Variants in AAMDC observed in about 807,000 individuals in gnomAD.
AAMDC encodes mth938 domain-containing protein.
In AAMDC, 16 loss-of-function variants were observed where a neutral mutation model predicts 15.5. That is an observed-to-expected ratio of 1.03 (90% CI 0.70 to 1.57). AAMDC has a LOEUF of 1.57. Among genes scored for constraint, AAMDC ranks in the 40% most tolerant of loss-of-function variants. The probability of loss-of-function intolerance (pLI) is 0.00; values close to 1 mark genes in which losing one functional copy is unlikely to be tolerated. For missense variants in AAMDC, 141 were observed against 144.9 expected (o/e 0.97, Z 0.14); for synonymous variants, 51 against 51.6 (o/e 0.99, Z 0.05).
chr11:77,904,098 C>A (rs537748778), downstream of AAMDC, among the ~76,000 whole-genome samples: 1 of 152,304 alleles, frequency 6.6e-6, no homozygotes, highest in South Asian at 2.1e-4. Flanking sequence ...TCCTAGATTT[C>A]TCCCTCTTTC....
At chr11:77,826,397 T>C (rs1222678658) in intron 1 of AAMDC, among the ~76,000 whole-genome samples, 1 of 152,058 alleles carries the variant, frequency 6.6e-6, no homozygotes, top group Non-Finnish European at 1.5e-5. Flanking sequence ...TGTATTATTA[T>C]GTTTTATGTC....
chr11:77,861,331 A>C (rs1950867317), intron 2 of AAMDC, among the ~76,000 whole-genome samples: 1 of 152,192 alleles, frequency 6.6e-6, no homozygotes, highest in South Asian at 2.1e-4. Flanking sequence ...CTGAGAGAGA[A>C]GTATGTAGTG....
intron 5 of AAMDC, among the ~76,000 whole-genome samples, chr11:77,898,165 AATT>A (rs1372825276): frequency 6.6e-6 from 1 of 151,982 alleles, no homozygotes; most frequent in South Asian, 2.1e-4. Flanking sequence ...AACTGGCCTA[AATT>A]ATTATTATTA....
In AAMDC at chr11:77,827,701, G is replaced by A. The variant is rs1426519783; in HGVS notation, c.-19+6460G>A. Among the ~76,000 whole-genome samples the A allele has an allele frequency of 2.0e-5, 3 of 152,080 alleles. No homozygotes were observed. The South Asian group carries it at 6.2e-4, about 32-fold the overall frequency. On this transcript the variant is annotated intron_variant, in intron 1 of 3. Coordinates refer to ENST00000393427, the MANE Select transcript of AAMDC (RefSeq NM_024684.4). ...TGAAAACTAATTCCTCCCTCCTAAG[G>A]TCAGGAACAAGACAAGGATGTTTGC...
intron 1 of AAMDC, chr11:77,841,250 T>C: frequency 1.4e-6 from 1 of 702,460 alleles, no homozygotes; most frequent in African/African-American, 1.7e-5. Flanking sequence ...GTTGTTATAA[T>C]GGCAGTTAAA....
chr11:77,836,179 C>A (rs966127808), intron 1 of AAMDC, among the ~76,000 whole-genome samples: 1 of 151,738 alleles, frequency 6.6e-6, no homozygotes, highest in African/African-American at 2.4e-5. Context: ...ATACTATTTC[C>A]TCAAACATAT....
At chr11:77,822,694 T>TAGTG (rs1305754703) in intron 1 of AAMDC, among the ~76,000 whole-genome samples, 1 of 152,190 alleles carries the variant, frequency 6.6e-6, no homozygotes, top group Non-Finnish European at 1.5e-5. Flanking sequence ...TTGCCTTGAA[T>TAGTG]AGTGATTCAT....
chr11:77,878,826 G>T, intron 5 of AAMDC: 1 of 785,918 alleles, frequency 1.3e-6, no homozygotes, highest in Non-Finnish European at 2.3e-6. Context: ...TACCAGATGA[G>T]ACTGTAAGGG....
chr11:77,839,526 T>G (rs1038562936), intron 1 of AAMDC, among the ~76,000 whole-genome samples: 2 of 152,168 alleles, frequency 1.3e-5, no homozygotes, highest in African/African-American at 4.8e-5. Context: ...ACACATATAT[T>G]CATTGCAGCA....
At chr11:77,853,551 G>T (rs1201774390) in intron 2 of AAMDC, among the ~76,000 whole-genome samples, 1 of 152,036 alleles carries the variant, frequency 6.6e-6, no homozygotes, top group African/African-American at 2.4e-5. Context: ...CCAACACTGG[G>T]GATTATAATT....
chr11:77,828,646 G>C (rs1462228144), intron 1 of AAMDC, among the ~76,000 whole-genome samples: 1 of 150,590 alleles, frequency 6.6e-6, no homozygotes, highest in East Asian at 1.9e-4. Context: ...ACTGCGCCTG[G>C]GCAACAGAGT....
chr11:77,882,777 A>G (rs1339177830), intron 5 of AAMDC, among the ~76,000 whole-genome samples: 1 of 152,196 alleles, frequency 6.6e-6, no homozygotes, highest in African/African-American at 2.4e-5. Context: ...ACAGAGGGAA[A>G]CCATTAATAA....
downstream of AAMDC, among the ~76,000 whole-genome samples, chr11:77,904,384 C>T (rs1451319114): frequency 6.6e-6 from 1 of 152,170 alleles, no homozygotes; most frequent in Admixed American, 6.5e-5. Context: ...TTTTAAGATA[C>T]AAAGACTAAG....
intron 3 of AAMDC, among the ~76,000 whole-genome samples, chr11:77,905,908 G>A (rs1438559166): frequency 6.6e-6 from 1 of 152,078 alleles, no homozygotes; most frequent in Non-Finnish European, 1.5e-5. Flanking sequence ...AGTAACCTGA[G>A]TGTTTATGCT....
At chr11:77,829,563 A>C (rs1480053502) in intron 1 of AAMDC, 1 of 152,234 alleles carries the variant, frequency 6.6e-6, no homozygotes, top group East Asian at 1.9e-4. Context: ...CACATAGAAA[A>C]GAATGAAGTT....
chr11:77,845,372 T>C (rs556783559), intron 2 of AAMDC, among the ~76,000 whole-genome samples: 1 of 152,306 alleles, frequency 6.6e-6, no homozygotes, highest in South Asian at 2.1e-4. Flanking sequence ...GTTGAGCCCC[T>C]GTAGTGACAT....
chr11:77,890,987 G>A (rs1160597279), intron 5 of AAMDC, among the ~76,000 whole-genome samples: 1 of 152,152 alleles, frequency 6.6e-6, no homozygotes, highest in Non-Finnish European at 1.5e-5. Flanking sequence ...TGTAACAAAA[G>A]ACCAAATCTT....
chr11:77,847,938 C>T (rs1170976018), intron 2 of AAMDC, among the ~76,000 whole-genome samples: 1 of 152,096 alleles, frequency 6.6e-6, no homozygotes, highest in East Asian at 1.9e-4. Context: ...TGAGATGTCC[C>T]AGTTAAAATG....
downstream of AAMDC, among the ~76,000 whole-genome samples, chr11:77,904,812 T>C (rs1952892529): frequency 6.6e-6 from 1 of 152,202 alleles, no homozygotes; most frequent in Non-Finnish European, 1.5e-5. Flanking sequence ...TAGCGTGTTT[T>C]GGGTTGTATG....
Sources: gnomAD v4.1 joint callset for allele counts (sites outside exome capture counted in the v4.1 genomes callset) on GRCh38, gnomAD v4.1.1 for gene constraint, MANE v1.5 for transcripts, NCBI Gene and HGNC (gene_info 2026-07-23, HGNC 2026-07-21) for gene names.